Variants in EYS observed in about 807,000 individuals in gnomAD.
EYS encodes EGF-like photoreceptor maintenance factor.
EYS carries 250 observed loss-of-function variants against 282.1 expected under a neutral mutation model. That is an observed-to-expected ratio of 0.89 (90% CI 0.80 to 0.98). The LOEUF is 0.98. EYS is among the 50% of genes least tolerant of loss of function. The probability of loss-of-function intolerance (pLI) is 0.00; values close to 1 mark genes in which losing one functional copy is unlikely to be tolerated. For missense variants in EYS, 4,016 were observed against 3,709.0 expected (o/e 1.08, Z -2.15); for synonymous variants, 1,355 against 1,282.9 (o/e 1.06, Z -1.20).
intron 30 of EYS, among the ~76,000 whole-genome samples, chr6:64,266,226 A>G (rs1170455731): frequency 1.3e-5 from 2 of 152,136 alleles, no homozygotes; most frequent in African/African-American, 4.8e-5. Context: ...TAAATACTCA[A>G]TTAATTTATT....
intron 22 of EYS, among the ~76,000 whole-genome samples, chr6:64,712,174 C>T (rs963811283): frequency 3.3e-5 from 5 of 152,112 alleles, no homozygotes; most frequent in Non-Finnish European, 7.4e-5. Context: ...AATTCCATAA[C>T]AGAAAAAGAC....
chr6:65,477,445 G>A (rs1442090879), intron 5 of EYS, among the ~76,000 whole-genome samples: 4 of 152,084 alleles, frequency 2.6e-5, no homozygotes, highest in African/African-American at 7.2e-5. Flanking sequence ...TAGGAAAAAC[G>A]TCAGTCATTT....
At chr6:64,793,704 T>C (rs115898536) in intron 22 of EYS, among the ~76,000 whole-genome samples, 2,434 of 152,292 alleles carry the variant, frequency 0.016, 74 homozygotes, top group African/African-American at 0.056. Flanking sequence ...CCAAGGACTA[T>C]ACTAAATTTC....
chr6:64,785,128 T>C (rs1009690923), intron 22 of EYS, among the ~76,000 whole-genome samples: 1 of 152,172 alleles, frequency 6.6e-6, no homozygotes, highest in Non-Finnish European at 1.5e-5. Flanking sequence ...TGAACTGCAA[T>C]TTCAAGAAAA....
At chr6:64,736,987 T>G (rs1772206481) in intron 22 of EYS, among the ~76,000 whole-genome samples, 1 of 152,242 alleles carries the variant, frequency 6.6e-6, no homozygotes, top group Admixed American at 6.5e-5. Flanking sequence ...TCATTGTGTA[T>G]TTTCATTTTA....
chr6:65,404,988 G>T (rs1379482010), intron 6 of EYS, among the ~76,000 whole-genome samples, 186 bp downstream of exon 6: 1 of 151,874 alleles, frequency 6.6e-6, no homozygotes, highest in Non-Finnish European at 1.5e-5. Flanking sequence ...GGAAAATACT[G>T]ATGGAAGAGC....
At chr6:63,834,210 G>C (rs1463419944) in intron 36 of EYS, among the ~76,000 whole-genome samples, 1 of 152,078 alleles carries the variant, frequency 6.6e-6, no homozygotes, top group Non-Finnish European at 1.5e-5. Flanking sequence ...ATAGACAAAT[G>C]GGATCTAATT....
intron 22 of EYS, among the ~76,000 whole-genome samples, chr6:64,766,850 A>G (rs1238778435): frequency 1.3e-5 from 2 of 150,952 alleles, no homozygotes; most frequent in Admixed American, 6.6e-5. Flanking sequence ...ATAATTTGTT[A>G]CTTCTTACCT....
At chr6:63,948,409 G>A (rs1482865076) in intron 35 of EYS, among the ~76,000 whole-genome samples, 4 of 152,212 alleles carry the variant, frequency 2.6e-5, no homozygotes, top group African/African-American at 9.7e-5. Context: ...TGAGACAAGT[G>A]CCTTTTGCTC....
At chr6:65,372,739 T>A (rs949103096) in intron 8 of EYS, among the ~76,000 whole-genome samples, 3 of 152,066 alleles carry the variant, frequency 2.0e-5, no homozygotes, top group Non-Finnish European at 2.9e-5. Flanking sequence ...ACAATTTCAA[T>A]AAGGAAGTTC....
At chr6:63,874,812 C>G (rs1772921785) in intron 35 of EYS, among the ~76,000 whole-genome samples, 1 of 152,178 alleles carries the variant, frequency 6.6e-6, no homozygotes, top group Admixed American at 6.5e-5. Context: ...GATTTTTGGA[C>G]ATCGATTTTG....
rs142814673 is a variant in EYS, at chr6:65,179,542, A to G, written c.2023+116321T>C. On this transcript the variant is annotated intron_variant, in intron 12 of 42. Transcript: ENST00000503581. Reference sequence around the variant, plus strand: ...TTGAATCTCTGAATAGACTGATAACAGGCTCTGAAATTGAGGCAATAACAG... The same window carrying G: ...TTGAATCTCTGAATAGACTGATAACGGGCTCTGAAATTGAGGCAATAACAG... Among the ~76,000 whole-genome samples, 1,040 of 152,262 alleles carry G rather than the reference A, an allele frequency of 6.8e-3. 6 individuals are homozygous for G. The highest frequency in any genetic ancestry group is 0.012 in the Non-Finnish European group (847 of 68,004).
At chr6:65,598,226 T>TC (rs1765478622) in intron 2 of EYS, among the ~76,000 whole-genome samples, 3 of 45,812 alleles carry the variant, frequency 6.5e-5, no homozygotes, top group South Asian at 1.3e-3. Flanking sequence ...GAGAAGACCC[T>TC]CCTCCCCACC....
chr6:64,226,618 A>T (rs1766259437), intron 31 of EYS, among the ~76,000 whole-genome samples: 1 of 152,100 alleles, frequency 6.6e-6, no homozygotes, highest in African/African-American at 2.4e-5. Context: ...ATATGCTCTT[A>T]TGTTTCCCTT....
intron 41 of EYS, among the ~76,000 whole-genome samples, chr6:63,750,463 C>G (rs1367528675): frequency 6.6e-6 from 1 of 152,174 alleles, no homozygotes. Flanking sequence ...CTCTTACTCT[C>G]CTTGGAATCT....
At chr6:65,355,930 A>G (rs1357629708) in intron 8 of EYS, among the ~76,000 whole-genome samples, 1 of 152,102 alleles carries the variant, frequency 6.6e-6, no homozygotes, top group Non-Finnish European at 1.5e-5. Flanking sequence ...AATTTCTCAG[A>G]GAACTAAAAA....
chr6:64,818,379 T>C (rs1764802257), intron 21 of EYS, among the ~76,000 whole-genome samples: 1 of 152,128 alleles, frequency 6.6e-6, no homozygotes. Flanking sequence ...AAACAAAGTG[T>C]ATTAGGTTTC....
intron 29 of EYS, among the ~76,000 whole-genome samples, chr6:64,343,860 A>G (rs1042337157): frequency 4.9e-4 from 74 of 152,298 alleles, no homozygotes; most frequent in Middle Eastern, 3.4e-3. Context: ...CGCAATAAAA[A>G]ATGATAAAGG....
intron 26 of EYS, among the ~76,000 whole-genome samples, chr6:64,532,492 G>A (rs1234704863): frequency 1.3e-5 from 2 of 152,060 alleles, no homozygotes; most frequent in East Asian, 3.9e-4. Flanking sequence ...AGCGGATCAC[G>A]AGGTCAGGAG....
Sources: allele counts gnomAD v4.1 joint callset (sites outside exome capture counted in the v4.1 genomes callset), GRCh38; gene constraint gnomAD v4.1.1; transcripts MANE v1.5; gene names NCBI Gene and HGNC (gene_info 2026-07-23, HGNC 2026-07-21).